AGL: variants seen among roughly 807,000 people sequenced by gnomAD.
The protein encoded by AGL is glycogen debranching enzyme.
A neutral mutation model predicts 199.3 loss-of-function variants in AGL; 128 were observed. The observed-to-expected ratio is 0.64, with a 90% CI of 0.56 to 0.74. The LOEUF (loss-of-function observed/expected upper bound fraction) is 0.74, where lower values mean the gene tolerates loss of function less well. AGL is among the 30% of genes least tolerant of loss of function. The pLI is 0.00. For synonymous variants in AGL, 584 were observed against 594.7 expected (o/e 0.98, Z 0.26); for missense variants, 1,809 against 1,820.8 (o/e 0.99, Z 0.12).
At position 99,922,666 on chromosome 1, in the gene AGL, T is replaced by G. The variant is rs1655590288; in HGVS notation, c.*1015T>G. The G allele has an allele frequency of 6.6e-6, 1 of 152,040 alleles. No homozygotes were observed. The highest frequency in any genetic ancestry group is 2.1e-4 in the South Asian group (1 of 4,824). The allele number at this position is 152,040 out of a possible 1,614,324, so 9.4% of individuals were successfully genotyped here. A position where few individuals can be genotyped will look rare whatever the true frequency, so the allele number is the denominator to read the frequency against. ...TCTTAAAGTCACAAAAGGAAAAAGGTTTTTAACATTTACATGAGTTAACAT... is the reference window on the plus strand; with the variant it reads ...TCTTAAAGTCACAAAAGGAAAAAGGGTTTTAACATTTACATGAGTTAACAT... On this transcript the variant is annotated 3_prime_UTR_variant, in exon 34 of 34. Transcript: ENST00000361915.
At chr1:99,872,306 G>C (rs1651084353) in intron 7 of AGL, among the ~76,000 whole-genome samples, 1 of 152,102 alleles carries the variant, frequency 6.6e-6, no homozygotes, top group Admixed American at 6.5e-5. Flanking sequence ...CTGTACTGCA[G>C]AAAATACATC....
At chr1:99,913,412 A>G (rs1276841484) in intron 29 of AGL, 115 bp from the exon 30 acceptor site, 9 of 885,918 alleles carry the variant, frequency 1.0e-5, no homozygotes, top group Non-Finnish European at 1.6e-5. Context: ...CCAAAAGTGG[A>G]TAATTTATTG....
chr1:99,863,339 A>G (rs17448792), intron 4 of AGL, among the ~76,000 whole-genome samples: 43,619 of 152,100 alleles, frequency 0.29, 7,961 homozygotes, highest in Non-Finnish European at 0.42. Context: ...AACACTTATC[A>G]TTTCTAAGAC....
chr1:99,874,787 A>G lies in AGL; in HGVS notation c.1059A>G (p.Ala353=). 6.2e-7 allele frequency: 1 copy of G among 1,611,970 alleles called. No individual in the cohort carries two copies. The highest frequency in any genetic ancestry group is 1.1e-5 in the South Asian group (1 of 91,028). ...GCTGTACTGTAGATATGAACATTGCACTAACGACTTTCATACCACATGAGT... is the reference window on the plus strand; with the variant it reads ...GCTGTACTGTAGATATGAACATTGCGCTAACGACTTTCATACCACATGAGT... ...RFGCTVDMNI[A]LTTFIPHDKG... is the part of the protein sequence containing the mutation. Residue 353 remains alanine (A), a synonymous_variant, in exon 8 of 34, where the codon GCA becomes GCG. Transcript: ENST00000361915.
chr1:99,868,537 A>G (rs1246105868), intron 5 of AGL, among the ~76,000 whole-genome samples: 1 of 152,080 alleles, frequency 6.6e-6, no homozygotes, highest in Non-Finnish European at 1.5e-5. Context: ...ACTTGAACCC[A>G]GGAGGTGGAG....
intron 2 of AGL, chr1:99,861,180 G>C: frequency 1.7e-6 from 2 of 1,202,300 alleles, no homozygotes; most frequent in Non-Finnish European, 2.1e-6. Flanking sequence ...TAATTCAGGG[G>C]TGAGGATGGG....
chr1:99,900,730 G>T lies in AGL; in HGVS notation c.3457G>T (p.Ala1153Ser). Residue 1153 changes from alanine (A) to serine (S), a missense_variant, in exon 26 of 34, where the codon GCT (alanine) becomes TCT (serine). Transcript: ENST00000361915. ...TTATGCCAGATACAATTGTCGGGATGCTGTGTGGTGGTGGCTGCAGTGTAT... is the reference window on the plus strand; with the variant it reads ...TTATGCCAGATACAATTGTCGGGATTCTGTGTGGTGGTGGCTGCAGTGTAT... ...GIYARYNCRD[A>S]VWWWLQCIQD... The T allele has an allele frequency of 6.2e-7, 1 of 1,614,152 alleles. No individual in the cohort carries two copies. The highest frequency in any genetic ancestry group is 8.5e-7 in the Non-Finnish European group (1 of 1,180,010).
At position 99,870,463 on chromosome 1, in the gene AGL, A is replaced by T; in HGVS notation, c.728A>T (p.His243Leu). ...GCCTATAATCTTGTGAATTCTCCAC[A>T]CTTAAAACCTGCCTGGGTCTTAGAC... ...ECAYNLVNSPHLKPAWVLDRA... is the reference protein window; with the variant it reads ...ECAYNLVNSPLLKPAWVLDRA... The change falls in exon 6 of 34, where the codon CAC (histidine) becomes CTC (leucine). Residue 243 changes from histidine to leucine, a missense_variant. Coordinates refer to ENST00000361915, the MANE Select transcript of AGL (RefSeq NM_000642.3). 1.9e-6 allele frequency: 3 copies of T among 1,614,066 alleles called. No homozygotes were observed. Among genetic ancestry groups the T allele is most frequent in the Middle Eastern group, 1.7e-4 (1 of 6,058 alleles).
At chr1:99,861,141 C>T in intron 2 of AGL, 1 of 1,102,094 alleles carries the variant, frequency 9.1e-7, no homozygotes, top group Non-Finnish European at 1.1e-6. Context: ...TAGAGAAGGT[C>T]TCTCCTCAGA....
At chr1:99,901,122 TAAAAG>T (rs1557780775) in intron 26 of AGL, among the ~76,000 whole-genome samples, 1 of 151,480 alleles carries the variant, frequency 6.6e-6, no homozygotes, top group East Asian at 1.9e-4. Context: ...TGTAGTCTCT[TAAAAG>T]AGAGAGAAGG....
intron 2 of AGL, among the ~76,000 whole-genome samples, chr1:99,856,523 T>C (rs1266693450): frequency 6.6e-6 from 1 of 151,728 alleles, no homozygotes; most frequent in Non-Finnish European, 1.5e-5. Context: ...AAGACAATAG[T>C]GGAGGGAAGG....
chr1:99,921,998 CT>C lies in AGL; in HGVS notation c.*351del, dbSNP rs2100903739. The C allele has an allele frequency of 5.3e-6, 1 of 189,046 alleles. No individual in the cohort carries two copies. The highest frequency in any genetic ancestry group is 1.3e-4 in the East Asian group (1 of 7,546). 11.7% of individuals were successfully genotyped at this position (189,046 alleles called of 1,614,324 possible). ...AATAATGAAAGAAATGAAAAGATAG[CT>C]TTTAATTGTGGTATATATAATCTTC... On this transcript the variant is annotated 3_prime_UTR_variant, in exon 34 of 34. Coordinates refer to ENST00000361915, the MANE Select transcript of AGL (RefSeq NM_000642.3).
At chr1:99,863,174 G>A (rs1291137389) in intron 4 of AGL, among the ~76,000 whole-genome samples, 2 of 151,830 alleles carry the variant, frequency 1.3e-5, no homozygotes, top group South Asian at 2.1e-4. Flanking sequence ...TTCTGACCTC[G>A]TGATCTGCCC....
intron 21 of AGL, 33 bp from the exon 22 acceptor site, chr1:99,891,187 A>T (rs763443207): frequency 1.2e-6 from 2 of 1,612,908 alleles, no homozygotes; most frequent in Non-Finnish European, 1.7e-6. Flanking sequence ...GATGCTACCA[A>T]TAATACAGCA....
chr1:99,875,170 A>G lies in AGL; in HGVS notation c.1099A>G (p.Ile367Val). 6.2e-7 allele frequency: 1 copy of G among 1,614,004 alleles called. No homozygotes were observed. The highest frequency in any genetic ancestry group is 1.3e-5 in the African/African-American group (1 of 75,064). ...FIPHDKGPAA[I>V]EECCNWFHKR... ...CTGCTCTAGCAAGGGGCCAGCAGCA[A>G]TTGAAGAATGCTGTAATTGGTTTCA... is the stretch of plus-strand genomic sequence containing the variant. The change falls in exon 9 of 34, where the codon ATT becomes GTT. Residue 367 changes from isoleucine to valine, a missense_variant. By Grantham distance (29) the Ile-to-Val change is conservative. Transcript: ENST00000361915.
chr1:99,852,223 C>G (rs1649011785), intron 2 of AGL, among the ~76,000 whole-genome samples: 1 of 152,054 alleles, frequency 6.6e-6, no homozygotes, highest in South Asian at 2.1e-4. Context: ...GGAGGAAAAG[C>G]CTTGAGCTTT....
At chr1:99,908,534 A>G (rs10157467) in intron 27 of AGL, among the ~76,000 whole-genome samples, 2,013 of 152,212 alleles carry the variant, frequency 0.013, 39 homozygotes, top group African/African-American at 0.037. Flanking sequence ...GGAATTTTCT[A>G]TTTCTACAAA....
At chr1:99,912,905 G>A (rs1654850213) in intron 29 of AGL, among the ~76,000 whole-genome samples, 1 of 152,178 alleles carries the variant, frequency 6.6e-6, no homozygotes, top group African/African-American at 2.4e-5. Context: ...GTAAAAAGAA[G>A]CAGGTGAAAT....
At position 99,892,592 on chromosome 1, in the gene AGL, GT is replaced by G. The variant is rs1227889311; in HGVS notation, c.3247del (p.Ser1083LeufsTer2). 1 of 1,613,366 alleles carries G rather than the reference GT, an allele frequency of 6.2e-7. No individual in the cohort carries two copies. ...CACAAAAGAAAAGGAGCAATGTTGT[GT>G]TTCTCTAGCTGCAGGTAAGGAATTA... is the stretch of plus-strand genomic sequence containing the variant. Reference protein sequence around the residue: ...EITKEKEQCCVSLAAGLPHFS... With the variant: ...EITKEKEQCCXSLAAGLPHFS... On this transcript the variant is annotated frameshift_variant, in exon 24 of 34. Coordinates refer to ENST00000361915, the MANE Select transcript of AGL (RefSeq NM_000642.3). LOFTEE classifies it high-confidence loss of function.
Sources: gnomAD v4.1 joint callset for allele counts (sites outside exome capture counted in the v4.1 genomes callset) on GRCh38, gnomAD v4.1.1 for gene constraint, MANE v1.5 for transcripts, NCBI Gene and HGNC (gene_info 2026-07-23, HGNC 2026-07-21) for gene names.